The following PARD3B variants were observed in gnomAD, a reference collection of about 807,000 sequenced individuals.
The protein encoded by PARD3B is partitioning defective 3 homolog B.
Under a neutral mutation model 130.2 loss-of-function variants are expected in PARD3B, and 103 were observed. The observed-to-expected ratio is 0.79, with a 90% confidence interval of 0.67 to 0.93. The LOEUF is 0.93. PARD3B is among the 40% of genes least tolerant of loss of function. The pLI is 0.00. For missense variants in PARD3B, 1,609 were observed against 1,499.2 expected (o/e 1.07, Z -1.21); for synonymous variants, 583 against 553.2 (o/e 1.05, Z -0.76).
At chr2:204,555,171 A>G (rs898428299) in intron 1 of PARD3B, among the ~76,000 whole-genome samples, 20 of 152,108 alleles carry the variant, frequency 1.3e-4, no homozygotes, top group Admixed American at 3.3e-4. Context: ...CTAAGGGAAG[A>G]CCCTTGGAAG....
intron 3 of PARD3B, among the ~76,000 whole-genome samples, chr2:205,043,710 T>C (rs1334640197): frequency 6.6e-6 from 1 of 152,172 alleles, no homozygotes; most frequent in Non-Finnish European, 1.5e-5. Flanking sequence ...CTCTACCATA[T>C]ATTCAAGGTT....
intron 21 of PARD3B, among the ~76,000 whole-genome samples, chr2:205,523,496 C>T (rs756193113): frequency 4.0e-5 from 6 of 151,860 alleles, no homozygotes; most frequent in Non-Finnish European, 5.9e-5. Flanking sequence ...TTAGTAATTT[C>T]AGTCATACTG....
intron 3 of PARD3B, among the ~76,000 whole-genome samples, chr2:204,986,469 C>A (rs1160257607): frequency 1.3e-5 from 2 of 152,162 alleles, no homozygotes; most frequent in African/African-American, 4.8e-5. Context: ...ATAATCTCTC[C>A]TTGAGCTCTT....
At chr2:205,218,363 T>A (rs2038062292) in intron 15 of PARD3B, among the ~76,000 whole-genome samples, 1 of 152,214 alleles carries the variant, frequency 6.6e-6, no homozygotes, top group African/African-American at 2.4e-5. Flanking sequence ...CTGTAATGTA[T>A]GAACATAAAT....
chr2:204,703,717 C>A (rs2038001650), intron 2 of PARD3B, among the ~76,000 whole-genome samples: 1 of 152,078 alleles, frequency 6.6e-6, no homozygotes. Flanking sequence ...GGTACAGTTA[C>A]AATATCATTT....
At chr2:205,119,816 A>G (rs2030446234) in intron 7 of PARD3B, among the ~76,000 whole-genome samples, 1 of 152,178 alleles carries the variant, frequency 6.6e-6, no homozygotes, top group Non-Finnish European at 1.5e-5. Flanking sequence ...GTCTCCCTCA[A>G]GAAATCATCT....
intron 20 of PARD3B, among the ~76,000 whole-genome samples, chr2:205,484,708 G>C (rs6715772): frequency 2.7e-4 from 41 of 152,278 alleles, no homozygotes; most frequent in African/African-American, 9.9e-4. Flanking sequence ...TCAGACAGCT[G>C]CTTTACCTCA....
intron 3 of PARD3B, among the ~76,000 whole-genome samples, chr2:205,035,814 TA>T (rs1179985178): frequency 0.15 from 2,189 of 14,890 alleles, 65 homozygotes; most frequent in Non-Finnish European, 0.18. Flanking sequence ...TATATATATA[TA>T]TATATCTATA....
In PARD3B at chr2:205,567,321, T is replaced by G. The variant is rs866163901; in HGVS notation, c.3260+13918T>G. Reference sequence around the variant, plus strand: ...CATTCCTTGTTTTTTTTTTTTTTTTTTTTTTTTTTTTGAGATGGAGTCTTG... The same window carrying G: ...CATTCCTTGTTTTTTTTTTTTTTTTGTTTTTTTTTTTGAGATGGAGTCTTG... On this transcript the variant is annotated intron_variant, in intron 22 of 22. Coordinates refer to ENST00000406610, the MANE Select transcript of PARD3B (RefSeq NM_001302769.2). Among the ~76,000 whole-genome samples the G allele has an allele frequency of 2.5e-4, 31 of 125,886 alleles. No individual in the cohort carries two copies. The South Asian group carries it at 5.6e-3, about 23-fold the overall frequency. 82.6% of individuals were successfully genotyped at this position (125,886 alleles called of 152,430 possible). A position where few individuals can be genotyped will look rare whatever the true frequency, so the allele number is the denominator to read the frequency against.
intron 2 of PARD3B, among the ~76,000 whole-genome samples, chr2:204,742,388 C>G (rs574517029): frequency 6.6e-6 from 1 of 152,108 alleles, no homozygotes; most frequent in African/African-American, 2.4e-5. Context: ...GATAAGTAGA[C>G]CAGGGTGGGA....
At chr2:204,722,666 A>G (rs9653326) in intron 2 of PARD3B, among the ~76,000 whole-genome samples, 42,240 of 152,092 alleles carry the variant, frequency 0.28, 7,386 homozygotes, top group African/African-American at 0.5. Context: ...ATTCCAGGAA[A>G]TACTGGGTTT....
At chr2:205,431,626 C>T (rs1002452395) in intron 19 of PARD3B, among the ~76,000 whole-genome samples, 22 of 151,724 alleles carry the variant, frequency 1.5e-4, no homozygotes, top group Admixed American at 2.6e-4. Context: ...TCTACCACCA[C>T]GCTCAGCTAA....
intron 22 of PARD3B, among the ~76,000 whole-genome samples, chr2:205,573,912 G>A (rs902307895): frequency 1.3e-5 from 2 of 152,114 alleles, no homozygotes; most frequent in African/African-American, 2.4e-5. Flanking sequence ...TCTCTCTATG[G>A]TATGGAGTGA....
intron 1 of PARD3B, among the ~76,000 whole-genome samples, chr2:204,581,047 A>T (rs1362639964): frequency 6.6e-6 from 1 of 152,210 alleles, no homozygotes; most frequent in East Asian, 1.9e-4. Flanking sequence ...ATGAATCCCT[A>T]ATTCTAATGA....
rs2042310919 is a variant in PARD3B at position 205,309,827 on chromosome 2, G to A, written c.2630+8126G>A. Among the ~76,000 whole-genome samples the A allele has an allele frequency of 6.6e-6, 1 of 152,124 alleles. No homozygotes were observed. Among genetic ancestry groups the A allele is most frequent in the Non-Finnish European group, 1.5e-5 (1 of 68,034 alleles). ...CTGTCCAGGTTGTTGTAAAATTTAA[G>A]TTAAACGGTTTAGGTAAGCAAAGCT... is the stretch of plus-strand genomic sequence containing the variant. On this transcript the variant is annotated intron_variant, in intron 18 of 22. Coordinates refer to ENST00000406610, the MANE Select transcript of PARD3B (RefSeq NM_001302769.2). This position sits in a 1 kb window ranked among gnomAD's most constrained non-coding sequence, Gnocchi z 4.7.
At chr2:204,803,161 A>ATATAT (rs1553528085) in intron 2 of PARD3B, among the ~76,000 whole-genome samples, 57 of 120,004 alleles carry the variant, frequency 4.7e-4, no homozygotes, top group South Asian at 8.5e-4. Context: ...AAAAAAAAAA[A>ATATAT]AAATATATAT....
intron 2 of PARD3B, among the ~76,000 whole-genome samples, chr2:204,877,152 C>T (rs954955214): frequency 1.1e-4 from 17 of 152,086 alleles, no homozygotes; most frequent in African/African-American, 3.6e-4. Context: ...GACAGAAAAC[C>T]GAACACCGCA....
intron 2 of PARD3B, among the ~76,000 whole-genome samples, chr2:204,913,211 C>T (rs2047311313): frequency 6.6e-6 from 1 of 152,156 alleles, no homozygotes; most frequent in Admixed American, 6.5e-5. Context: ...GACAGAATTT[C>T]ACAAGCTTTT....
At chr2:205,046,281 A>G (rs1018472058) in intron 3 of PARD3B, among the ~76,000 whole-genome samples, 3 of 151,588 alleles carry the variant, frequency 2.0e-5, no homozygotes, top group African/African-American at 7.3e-5. Context: ...GTTTTATTTC[A>G]AAGAACAATT....
Sources: gnomAD v4.1 joint callset for allele counts (sites outside exome capture counted in the v4.1 genomes callset) on GRCh38, gnomAD v4.1.1 for gene constraint, Gnocchi (gnomAD v3.1) non-coding constraint, MANE v1.5 for transcripts, NCBI Gene and HGNC (gene_info 2026-07-23, HGNC 2026-07-21) for gene names.